The following CLDN16 variants were observed in gnomAD, a reference collection of about 807,000 sequenced individuals.
The protein encoded by CLDN16 is claudin-16.
A neutral mutation model predicts 24.6 loss-of-function variants in CLDN16; 13 were observed. The ratio of observed to expected loss-of-function variants is 0.53; its 90% CI spans 0.34 to 0.84. The LOEUF (loss-of-function observed/expected upper bound fraction) is 0.84, where lower values mean the gene tolerates loss of function less well. Among genes scored for constraint, CLDN16 ranks in the 40% least tolerant of loss-of-function variants. The pLI is 0.01. For synonymous variants in CLDN16, 116 were observed against 106.7 expected (o/e 1.09, Z -0.54); for missense variants, 298 against 292.7 (o/e 1.02, Z -0.13).
upstream of CLDN16, chr3:190,321,960 G>A: frequency 6.2e-7 from 1 of 1,603,646 alleles, no homozygotes; most frequent in Non-Finnish European, 8.5e-7. Flanking sequence ...CTGGACGGCC[G>A]CTGTGAGGTG....
upstream of CLDN16, among the ~76,000 whole-genome samples, chr3:190,384,625 C>T (rs541518020): frequency 6.6e-5 from 10 of 152,278 alleles, no homozygotes; most frequent in South Asian, 2.1e-4. Context: ...CCTGGAGCTG[C>T]AAAGATGATT....
At chr3:190,365,198 A>C (rs945615777) in intron 1 of CLDN16, among the ~76,000 whole-genome samples, 1 of 151,786 alleles carries the variant, frequency 6.6e-6, no homozygotes. Context: ...ATGTCCTTGC[A>C]TCAGGTGATT....
intron 3 of CLDN16, among the ~76,000 whole-genome samples, chr3:190,382,658 G>A (rs958769267): frequency 6.6e-6 from 1 of 152,086 alleles, no homozygotes; most frequent in African/African-American, 2.4e-5. Context: ...GCTTCTCTGT[G>A]CTTTTACAAT....
At chr3:190,337,366 A>G (rs1717334677) in intron 1 of CLDN16, among the ~76,000 whole-genome samples, 1 of 152,252 alleles carries the variant, frequency 6.6e-6, no homozygotes, top group African/African-American at 2.4e-5. Context: ...GAAACTAAGA[A>G]GAACTCACCA....
At chr3:190,318,146 C>T (rs988765291), upstream of CLDN16, among the ~76,000 whole-genome samples, 1 of 152,088 alleles carries the variant, frequency 6.6e-6, no homozygotes, top group African/African-American at 2.4e-5. Flanking sequence ...TGATGGTCAC[C>T]AGATGTGAAC....
At chr3:190,408,554 T>C (rs556971601) in intron 4 of CLDN16, 49 bp downstream of exon 4, 227 of 1,539,588 alleles carry the variant, frequency 1.5e-4, no homozygotes, top group Non-Finnish European at 1.0e-4. Context: ...CTATCGTTTT[T>C]CCCAATCCAG....
chr3:190,345,879 T>C (rs570742077), intron 1 of CLDN16, among the ~76,000 whole-genome samples: 1 of 152,260 alleles, frequency 6.6e-6, no homozygotes, highest in African/African-American at 2.4e-5. Flanking sequence ...ATTGATTACA[T>C]TGTATTGAAA....
At chr3:190,382,162 C>A (rs1260606164) in intron 3 of CLDN16, among the ~76,000 whole-genome samples, 1 of 152,104 alleles carries the variant, frequency 6.6e-6, no homozygotes, top group African/African-American at 2.4e-5. Flanking sequence ...AGAATGACTT[C>A]ATGAGTTGCC....
chr3:190,308,457 T>C, the CLDN16 span: 2 of 1,612,898 alleles, frequency 1.2e-6, no homozygotes, highest in South Asian at 1.1e-5. Flanking sequence ...GAAAAACCCA[T>C]GTGCTTGTTA....
At chr3:190,366,624 A>G (rs1357639865) in intron 1 of CLDN16, among the ~76,000 whole-genome samples, 1 of 151,938 alleles carries the variant, frequency 6.6e-6, no homozygotes, top group Admixed American at 6.6e-5. Context: ...ATACACTTAC[A>G]AAAACACCTT....
intron 1 of CLDN16, among the ~76,000 whole-genome samples, chr3:190,363,554 G>GCTTATATA (rs10663299): frequency 1.2e-5 from 1 of 81,364 alleles, no homozygotes; most frequent in Non-Finnish European, 2.3e-5. Flanking sequence ...GTGTGTGTGT[G>GCTTATATA]TGTATATATA....
upstream of CLDN16, chr3:190,322,329 C>T: frequency 2.2e-6 from 2 of 891,148 alleles, no homozygotes; most frequent in Non-Finnish European, 1.8e-6. Context: ...GGCGGGGAGC[C>T]CTGCTCGCTG....
upstream of CLDN16, among the ~76,000 whole-genome samples, chr3:190,384,984 A>T (rs1004858426): frequency 2.0e-5 from 3 of 152,190 alleles, no homozygotes. Flanking sequence ...TGGGAGTGGT[A>T]TTATAGCTTA....
In CLDN16 at chr3:190,395,322, C is replaced by T. The variant is rs530860382; in HGVS notation, c.114+6879C>T. On this transcript the variant is annotated intron_variant, in intron 1 of 4. Transcript: ENST00000264734. Reference sequence around the variant, plus strand: ...TTTTAGCAAATAAAGTCATGTTTTTCTTTCGTATCTTATAAATGTAAGATA... The same window carrying T: ...TTTTAGCAAATAAAGTCATGTTTTTTTTTCGTATCTTATAAATGTAAGATA... Among the ~76,000 whole-genome samples the T allele has an allele frequency of 2.3e-3, 346 of 152,028 alleles. 1 individual carries two copies. The highest frequency in any genetic ancestry group is 3.4e-3 in the Middle Eastern group (1 of 294).
intron 3 of CLDN16, among the ~76,000 whole-genome samples, chr3:190,375,882 CA>C (rs1718237284): frequency 2.0e-5 from 2 of 101,450 alleles, no homozygotes; most frequent in African/African-American, 8.5e-5. Context: ...CCCCTCCCCC[CA>C]CAAAAAAACA....
At chr3:190,369,727 A>G (rs1321797967) in intron 1 of CLDN16, among the ~76,000 whole-genome samples, 2 of 151,930 alleles carry the variant, frequency 1.3e-5, no homozygotes, top group African/African-American at 4.8e-5. Context: ...CCTTATAATC[A>G]CTTTCTCATA....
intron 1 of CLDN16, among the ~76,000 whole-genome samples, chr3:190,346,067 T>C (rs1308738539): frequency 1.3e-5 from 2 of 151,976 alleles, no homozygotes; most frequent in Non-Finnish European, 2.9e-5. Flanking sequence ...TAGCCAAGGA[T>C]AGAACTGAAG....
Position 190,410,187 on chromosome 3 carries a change from C to T in CLDN16, c.*151C>T. 1.1e-6 allele frequency: 1 copy of T among 887,104 alleles called. No homozygotes were observed. The highest frequency in any genetic ancestry group is 2.7e-5 in the East Asian group (1 of 37,532). The allele number at this position is 887,104 out of a possible 1,614,324, so 55.0% of individuals were successfully genotyped here. On this transcript the variant is annotated 3_prime_UTR_variant, in exon 5 of 5. Coordinates refer to ENST00000264734, the MANE Select transcript of CLDN16 (RefSeq NM_006580.4). ...AATCAAAATGTTTGATTCTCCTATA[C>T]TTTTTCTTTCTATTACTCTTATATT...
At chr3:190,308,993 C>A in the CLDN16 span, among the ~76,000 whole-genome samples, 1 of 152,080 alleles carries the variant, frequency 6.6e-6, no homozygotes, top group Non-Finnish European at 1.5e-5. Flanking sequence ...TTAAAGCAGA[C>A]ACTTAGGGTG....
Sources: allele counts gnomAD v4.1 joint callset (sites outside exome capture counted in the v4.1 genomes callset), GRCh38; gene constraint gnomAD v4.1.1; transcripts MANE v1.5; gene names NCBI Gene and HGNC (gene_info 2026-07-23, HGNC 2026-07-21).